HSD17B3: variants seen among roughly 807,000 people sequenced by gnomAD.
The protein encoded by HSD17B3 is hydroxysteroid 17-beta dehydrogenase 3.
In HSD17B3, 29 loss-of-function variants were observed where a neutral mutation model predicts 41.1. The observed-to-expected ratio is 0.71, with a 90% CI of 0.53 to 0.96. The LOEUF is 0.96. Among genes scored for constraint, HSD17B3 ranks in the 40% least tolerant of loss-of-function variants. The probability of loss-of-function intolerance (pLI) is 0.00; values close to 1 mark genes in which losing one functional copy is unlikely to be tolerated. For missense variants in HSD17B3, 323 were observed against 374.6 expected (o/e 0.86, Z 1.14); for synonymous variants, 126 against 145.6 (o/e 0.87, Z 0.97).
intron 5 of HSD17B3, chr9:96,250,160 A>G (rs754950651): frequency 4.9e-6 from 6 of 1,236,534 alleles, no homozygotes; most frequent in Non-Finnish European, 4.1e-6. Flanking sequence ...AAATGGTTGT[A>G]TAATATAAGG....
rs546746008 is a variant in HSD17B3, at chr9:96,259,098, A to G, written c.202-4155T>C. Among the ~76,000 whole-genome samples, 7 of 152,280 alleles carry G rather than the reference A, an allele frequency of 4.6e-5. No individual in the cohort carries two copies. In the East Asian group the frequency reaches 7.7e-4, roughly 17 times the overall value. ...TGCCCCTCTGTTAACCACCTTGATC[A>G]AGAAGTGACCCGCATCCTTTCTGCT... On this transcript the variant is annotated intron_variant, in intron 2 of 10. Coordinates refer to ENST00000375263, the MANE Select transcript of HSD17B3 (RefSeq NM_000197.2).
intron 2 of HSD17B3, among the ~76,000 whole-genome samples, chr9:96,267,954 C>G (rs1234299965): frequency 6.6e-6 from 1 of 152,134 alleles, no homozygotes; most frequent in Non-Finnish European, 1.5e-5. Flanking sequence ...GAGACAGAGT[C>G]TCACTCTATC....
chr9:96,240,565 C>T (rs1836396994), intron 10 of HSD17B3, among the ~76,000 whole-genome samples, 193 bp downstream of exon 10: 1 of 152,130 alleles, frequency 6.6e-6, no homozygotes, highest in African/African-American at 2.4e-5. Context: ...TGAGACTTGC[C>T]AACTTCGGGG....
chr9:96,271,866 C>T (rs543286994), intron 2 of HSD17B3, among the ~76,000 whole-genome samples: 29 of 151,876 alleles, frequency 1.9e-4, no homozygotes, highest in Non-Finnish European at 3.7e-4. Flanking sequence ...GAAAGGAATC[C>T]CAAGACATTT....
intron 2 of HSD17B3, among the ~76,000 whole-genome samples, chr9:96,280,751 C>A (rs1027538784): frequency 2.0e-5 from 3 of 152,092 alleles, no homozygotes; most frequent in Non-Finnish European, 2.9e-5. Flanking sequence ...GAGGTCAACA[C>A]AAAATACAGG....
chr9:96,238,084 G>C (rs936590917), intron 10 of HSD17B3, among the ~76,000 whole-genome samples: 1 of 152,208 alleles, frequency 6.6e-6, no homozygotes, highest in Non-Finnish European at 1.5e-5. Flanking sequence ...GCTGCGGTGA[G>C]TTGTGATCCT....
intron 2 of HSD17B3, among the ~76,000 whole-genome samples, chr9:96,269,943 T>G (rs377601265): frequency 1.5e-5 from 2 of 134,692 alleles, no homozygotes; most frequent in South Asian, 2.4e-4. Context: ...GATTATAGAA[T>G]ACATAGGACT....
intron 2 of HSD17B3, among the ~76,000 whole-genome samples, chr9:96,287,801 A>C (rs1247938120): frequency 6.6e-6 from 1 of 151,874 alleles, no homozygotes; most frequent in African/African-American, 2.4e-5. Context: ...ATCTACCCAA[A>C]GGAAAGAGAA....
rs1185002523 is a variant in HSD17B3, at chr9:96,245,439, GA to G, written c.525-14del. 6.2e-7 allele frequency: 1 copy of G among 1,607,968 alleles called. No homozygotes were observed. The highest frequency in any genetic ancestry group is 1.7e-4 in the Middle Eastern group (1 of 6,052). On this transcript the variant is annotated splice_polypyrimidine_tract_variant and intron_variant, in intron 7 of 10. Transcript: ENST00000375263. ...GAGACCTTTCTGCCTGAAAGGCAAA[GA>G]AGCAAAGTTCCCATGGCTTTGTTGC...
intron 2 of HSD17B3, among the ~76,000 whole-genome samples, chr9:96,269,157 T>C (rs958286033): frequency 2.6e-5 from 4 of 152,174 alleles, no homozygotes; most frequent in African/African-American, 4.8e-5. Flanking sequence ...CTGTATGACA[T>C]GGGACTGTAC....
chr9:96,250,284 C>T (rs983648038), intron 5 of HSD17B3: 3 of 1,086,790 alleles, frequency 2.8e-6, no homozygotes, highest in Admixed American at 4.6e-5. Context: ...CACACACAGG[C>T]AGAGGAGCAA....
In HSD17B3 at chr9:96,255,367, C is replaced by CTTTTTTTTTTTTT. The variant is rs869145717; in HGVS notation, c.202-437_202-425dup. 5.5e-4 allele frequency among the ~76,000 whole-genome samples: 30 copies of CTTTTTTTTTTTTT among 54,566 alleles called. 4 individuals are homozygous for CTTTTTTTTTTTTT. Among genetic ancestry groups the CTTTTTTTTTTTTT allele is most frequent in the Non-Finnish European group, 6.8e-4 (20 of 29,474 alleles). The allele number at this position is 54,566 out of a possible 152,430, so 35.8% of individuals were successfully genotyped here. ...AAGCAGTGTTTCTGCCCCAACATTT[C>CTTTTTTTTTTTTT]TTTTTTTTTTTTTTTTTTTTTTTTT... is the stretch of plus-strand genomic sequence containing the variant. On this transcript the variant is annotated intron_variant, in intron 2 of 10. Coordinates refer to ENST00000375263, the MANE Select transcript of HSD17B3 (RefSeq NM_000197.2).
intron 2 of HSD17B3, among the ~76,000 whole-genome samples, chr9:96,272,405 C>CTCTCTCTCTCTCTCTCTCTCTCTCTATA (rs1239816824): frequency 9.3e-5 from 2 of 21,536 alleles, no homozygotes; most frequent in Non-Finnish European, 1.8e-4. Flanking sequence ...CTCTCTCTCT[C>CTCTCTCTCTCTCTCTCTCTCTCTCTATA]TATATATATA....
At chr9:96,300,209 GACACACACACAC>G (rs55707445) in intron 1 of HSD17B3, among the ~76,000 whole-genome samples, 32 of 116,376 alleles carry the variant, frequency 2.7e-4, no homozygotes, top group African/African-American at 3.1e-4. Context: ...ACCCCAAGAG[GACACACACACAC>G]ACACACACAC....
intron 2 of HSD17B3, among the ~76,000 whole-genome samples, chr9:96,293,068 T>G (rs1456889413): frequency 1.3e-5 from 2 of 152,142 alleles, no homozygotes; most frequent in African/African-American, 4.8e-5. Flanking sequence ...ATAAAGTGAC[T>G]TAAAAAGGAA....
intron 9 of HSD17B3, among the ~76,000 whole-genome samples, chr9:96,243,605 T>TAACAA (rs1255015277): frequency 1.3e-5 from 2 of 152,194 alleles, no homozygotes; most frequent in Non-Finnish European, 2.9e-5. Context: ...CACACAACAA[T>TAACAA]AACAAAACAA....
chr9:96,252,058 A>G (rs114767009), intron 4 of HSD17B3, among the ~76,000 whole-genome samples: 256 of 152,342 alleles, frequency 1.7e-3, no homozygotes, highest in African/African-American at 5.8e-3. Flanking sequence ...TCTATAAATC[A>G]TTACAGAAAT....
At chr9:96,287,463 C>A (rs1180596679) in intron 2 of HSD17B3, among the ~76,000 whole-genome samples, 2 of 152,214 alleles carry the variant, frequency 1.3e-5, no homozygotes, top group African/African-American at 2.4e-5. Context: ...GTAATGCCAG[C>A]ACTTTGGGAG....
intron 5 of HSD17B3, 179 bp from the exon 6 acceptor site, chr9:96,249,965 C>T: frequency 1.3e-6 from 2 of 1,500,540 alleles, no homozygotes; most frequent in Non-Finnish European, 1.8e-6. Context: ...CATCAAGAAA[C>T]ATCTGACTCC....
Sources: gnomAD v4.1 joint callset for allele counts (sites outside exome capture counted in the v4.1 genomes callset) on GRCh38, gnomAD v4.1.1 for gene constraint, MANE v1.5 for transcripts, NCBI Gene and HGNC (gene_info 2026-07-23, HGNC 2026-07-21) for gene names.